The following PTPN2 variants were observed in gnomAD, a reference collection of about 807,000 sequenced individuals.
PTPN2 encodes protein tyrosine phosphatase non-receptor type 2, also known as tyrosine-protein phosphatase non-receptor type 2.
In PTPN2, 19 loss-of-function variants were observed where a neutral mutation model predicts 57.3. The observed-to-expected ratio is 0.33, with a 90% confidence interval of 0.23 to 0.49. The LOEUF (loss-of-function observed/expected upper bound fraction) is 0.49. Among genes scored for constraint, PTPN2 ranks in the 20% least tolerant of loss-of-function variants. PTPN2 has a pLI of 0.99. For synonymous variants in PTPN2, 153 were observed against 164.9 expected (o/e 0.93, Z 0.55); for missense variants, 358 against 501.1 (o/e 0.71, Z 2.73).
chr18:12,878,904 T>G (rs2044580240), intron 1 of PTPN2, among the ~76,000 whole-genome samples: 1 of 152,186 alleles, frequency 6.6e-6, no homozygotes, highest in East Asian at 1.9e-4. Context: ...GAGCCATCAC[T>G]TCTTAGAAAC....
intron 5 of PTPN2, among the ~76,000 whole-genome samples, chr18:12,820,164 C>T (rs1337885669): frequency 6.6e-6 from 1 of 152,160 alleles, no homozygotes; most frequent in Non-Finnish European, 1.5e-5. Flanking sequence ...GTCACGCTGT[C>T]TGGGATATTG....
At position 12,793,810 on chromosome 18, in the gene PTPN2, A is replaced by G; in HGVS notation, c.*468T>C. 2.1e-6 allele frequency: 2 copies of G among 946,718 alleles called. No individual in the cohort carries two copies. The highest frequency in any genetic ancestry group is 2.5e-6 in the Non-Finnish European group (2 of 792,266). 58.6% of individuals were successfully genotyped at this position (946,718 alleles called of 1,614,324 possible). A position where few individuals can be genotyped will look rare whatever the true frequency, so the allele number is the denominator to read the frequency against. ...TATTTACCCTGAAATGCTTAAGAAT[A>G]AAAGTGTTGATGCCCATGTCAATAG... On this transcript the variant is annotated 3_prime_UTR_variant, in exon 9 of 9. Transcript: ENST00000309660.
At chr18:12,834,263 G>T (rs1363049595) in intron 3 of PTPN2, among the ~76,000 whole-genome samples, 7 of 148,596 alleles carry the variant, frequency 4.7e-5, no homozygotes, top group African/African-American at 1.7e-4. Context: ...GGAGGAGGAG[G>T]TTGTAGTGAG....
Position 12,851,207 on chromosome 18 carries a change from C to T in PTPN2, c.160+7957G>A, listed in dbSNP as rs1239781089. Among the ~76,000 whole-genome samples, 6 of 52,816 alleles carry T rather than the reference C, an allele frequency of 1.1e-4. 2 individuals carry two copies. Among genetic ancestry groups the T allele is most frequent in the African/African-American group, 1.8e-4 (4 of 22,552 alleles). 34.6% of individuals were successfully genotyped at this position (52,816 alleles called of 152,430 possible). On this transcript the variant is annotated intron_variant, in intron 2 of 8. Transcript: ENST00000309660. ...TTAATAATATTATATAGGCCGGGCG[C>T]GGTGGCTCACGCCTGTAATCCCAGC...
intron 7 of PTPN2, among the ~76,000 whole-genome samples, chr18:12,808,320 A>C (rs1005409959): frequency 1.3e-5 from 1 of 78,128 alleles, no homozygotes; most frequent in African/African-American, 3.2e-5. Flanking sequence ...TATATAATTA[A>C]ATAGAGATTT....
Position 12,884,230 on chromosome 18 carries a change from G to A in PTPN2, c.-89C>T. ...ATCCGGGGAGAGCGCTGGCGCTGCGGCGCATGCGCGCTGCGCGCCGCGCCC... is the reference window on the plus strand; with the variant it reads ...ATCCGGGGAGAGCGCTGGCGCTGCGACGCATGCGCGCTGCGCGCCGCGCCC... On this transcript the variant is annotated 5_prime_UTR_variant, in exon 1 of 9. Transcript: ENST00000309660. 4 of 980,018 alleles carry A rather than the reference G, an allele frequency of 4.1e-6. No homozygotes were observed. The highest frequency in any genetic ancestry group is 5.5e-6 in the Non-Finnish European group (4 of 723,316). 60.7% of individuals were successfully genotyped at this position (980,018 alleles called of 1,614,324 possible).
intron 1 of PTPN2, among the ~76,000 whole-genome samples, chr18:12,879,637 C>A (rs1039028052): frequency 6.6e-6 from 1 of 152,204 alleles, no homozygotes; most frequent in Non-Finnish European, 1.5e-5. Context: ...AAGAAACCTC[C>A]TATTATCAAA....
intron 1 of PTPN2, 109 bp downstream of exon 1, chr18:12,883,964 G>C: frequency 1.0e-6 from 1 of 976,220 alleles, no homozygotes; most frequent in Non-Finnish European, 1.5e-6. Context: ...TCCGCCCCGA[G>C]CGAGAGGCTA....
chr18:12,785,894 C>T (rs1293556573), intron 9 of PTPN2: 6 of 1,459,604 alleles, frequency 4.1e-6, no homozygotes, highest in Non-Finnish European at 5.8e-6. Context: ...TTACCAAACA[C>T]ACAGACGAAC....
At chr18:12,802,622 G>A (rs989013894) in intron 7 of PTPN2, among the ~76,000 whole-genome samples, 1 of 152,142 alleles carries the variant, frequency 6.6e-6, no homozygotes. Context: ...CAAGAGAAAA[G>A]GATCAAGTCA....
chr18:12,802,132 G>T lies in PTPN2; in HGVS notation c.878C>A (p.Ser293Tyr). 6.2e-7 allele frequency: 1 copy of T among 1,606,396 alleles called. No individual in the cohort carries two copies. The highest frequency in any genetic ancestry group is 8.5e-7 in the Non-Finnish European group (1 of 1,177,078). Residue 293 changes from serine (S) to tyrosine (Y), a missense_variant, in exon 8 of 9, where the codon TCT (serine) becomes TAT (tyrosine). Transcript: ENST00000309660. ...AAAGGCAGGAGATAAGTCTTCCTTA[G>T]AAAGTTCTTTCCATCGTTTCTAGGT... ...SSIQKRWKELSKEDLSPAFDH... is the reference protein window; with the variant it reads ...SSIQKRWKELYKEDLSPAFDH...
Position 12,884,196 on chromosome 18 carries a change from C to T in PTPN2, c.-55G>A, listed in dbSNP as rs2044783676. On this transcript the variant is annotated 5_prime_UTR_variant, in exon 1 of 9. Transcript: ENST00000309660. ...GCCTGCGCCGGCGGAGAGGCTCAGG[C>T]CCCGCACGATCCGGGGAGAGCGCTG... 6.9e-7 allele frequency: 1 copy of T among 1,439,302 alleles called. No individual in the cohort carries two copies. 89.2% of individuals were successfully genotyped at this position (1,439,302 alleles called of 1,614,324 possible). A position where few individuals can be genotyped will look rare whatever the true frequency, so the allele number is the denominator to read the frequency against.
rs573932770 is a variant in PTPN2, at chr18:12,860,588, C to T, written c.70-1334G>A. On this transcript the variant is annotated intron_variant, in intron 1 of 8. Coordinates refer to ENST00000309660, the MANE Select transcript of PTPN2 (RefSeq NM_002828.4). The stretch of plus-strand genomic sequence containing the variant: ...CTCTAGCCTGGGTGACAGAGTGAGG[C>T]GGAAAAAGCAAAACAAAACAAAAAT... Among the ~76,000 whole-genome samples, 6 of 151,956 alleles carry T rather than the reference C, an allele frequency of 3.9e-5. No homozygotes were observed. In the East Asian group the frequency reaches 7.8e-4, roughly 20 times the overall value.
At chr18:12,795,796 G>A (rs948733887) in intron 8 of PTPN2, among the ~76,000 whole-genome samples, 2 of 152,038 alleles carry the variant, frequency 1.3e-5, no homozygotes, top group African/African-American at 4.8e-5. Context: ...CAACATATAG[G>A]TTACTATTTC....
chr18:12,815,192 T>C (rs112339146), intron 6 of PTPN2, among the ~76,000 whole-genome samples: 10 of 151,828 alleles, frequency 6.6e-5, no homozygotes, highest in African/African-American at 1.7e-4. Context: ...GGTGGGCAGA[T>C]TATGAGGTCA....
intron 5 of PTPN2, among the ~76,000 whole-genome samples, chr18:12,821,045 T>C (rs759665883): frequency 2.0e-5 from 3 of 152,152 alleles, no homozygotes; most frequent in Non-Finnish European, 2.9e-5. Context: ...CATAAATATA[T>C]AATAAGATTA....
intron 1 of PTPN2, among the ~76,000 whole-genome samples, chr18:12,859,907 C>T (rs1281819782): frequency 1.3e-5 from 2 of 152,162 alleles, no homozygotes; most frequent in African/African-American, 2.4e-5. Flanking sequence ...AATCCCAACA[C>T]TTTGGGAGGC....
chr18:12,788,891 C>T (rs1450719638), downstream of PTPN2, among the ~76,000 whole-genome samples: 2 of 151,890 alleles, frequency 1.3e-5, no homozygotes, highest in Non-Finnish European at 2.9e-5. Flanking sequence ...TTCCTGCTGC[C>T]GAGGGAAAAA....
intron 1 of PTPN2, among the ~76,000 whole-genome samples, chr18:12,871,920 C>T (rs138599789): frequency 6.6e-5 from 10 of 152,026 alleles, no homozygotes; most frequent in East Asian, 5.8e-4. Context: ...TGGTGGTGCA[C>T]GCCTGTAATC....
Sources: allele counts gnomAD v4.1 joint callset (sites outside exome capture counted in the v4.1 genomes callset), GRCh38; gene constraint gnomAD v4.1.1; transcripts MANE v1.5; gene names NCBI Gene and HGNC (gene_info 2026-07-23, HGNC 2026-07-21).